Variants in ANK3 observed in about 807,000 individuals in gnomAD.
ANK3 encodes the protein ankyrin 3, also known as ankyrin-3.
Under a neutral mutation model 370.9 loss-of-function variants are expected in ANK3, and 57 were observed. That is an observed-to-expected ratio of 0.15 (90% CI 0.12 to 0.19). The LOEUF is 0.19. ANK3 is among the 10% of genes least tolerant of loss of function. The pLI, the probability that ANK3 is intolerant of heterozygous loss-of-function variation, is 1.00. For missense variants in ANK3, 4,439 were observed against 5,302.1 expected, an observed-to-expected ratio of 0.84 and a Z score of 5.06; for synonymous variants, 1,929 against 1,946.3, an observed-to-expected ratio of 0.99 and a Z score of 0.23.
intron 2 of ANK3, among the ~76,000 whole-genome samples, chr10:60,545,785 C>T (rs2076950368): frequency 6.6e-6 from 1 of 152,140 alleles, no homozygotes; most frequent in Admixed American, 6.6e-5. Context: ...AAGGACATTG[C>T]ACAATGGCTG....
intron 5 of ANK3, among the ~76,000 whole-genome samples, chr10:60,267,930 G>A (rs1295673053): frequency 2.0e-5 from 3 of 152,194 alleles, no homozygotes; most frequent in African/African-American, 7.2e-5. Flanking sequence ...CACAATGTGT[G>A]TATCGTAGTG....
At chr10:60,492,706 C>CAAAAAAAAAA (rs764367710) in intron 2 of ANK3, among the ~76,000 whole-genome samples, 15 of 57,500 alleles carry the variant, frequency 2.6e-4, no homozygotes, top group Non-Finnish European at 4.1e-4. Context: ...GACTCTGTCT[C>CAAAAAAAAAA]AAAAAAAAAA....
chr10:60,501,509 A>G (rs1336031917), intron 2 of ANK3, among the ~76,000 whole-genome samples: 1 of 152,158 alleles, frequency 6.6e-6, no homozygotes, highest in Non-Finnish European at 1.5e-5. Flanking sequence ...GTTTGAGACC[A>G]GCCTGGCCAT....
At chr10:60,104,021 G>A (rs1298448746) in intron 28 of ANK3, among the ~76,000 whole-genome samples, 1 of 152,098 alleles carries the variant, frequency 6.6e-6, no homozygotes, top group African/African-American at 2.4e-5. Flanking sequence ...TCACTTATAA[G>A]TGGGAGCTAA....
intron 1 of ANK3, among the ~76,000 whole-genome samples, chr10:60,294,342 C>A (rs1242591646): frequency 6.6e-6 from 1 of 152,050 alleles, no homozygotes; most frequent in African/African-American, 2.4e-5. Flanking sequence ...GGTTTAAAAG[C>A]CCAGAGGAGT....
intron 1 of ANK3, among the ~76,000 whole-genome samples, chr10:60,359,215 A>G (rs1314595123): frequency 6.6e-6 from 1 of 152,128 alleles, no homozygotes; most frequent in Admixed American, 6.5e-5. Flanking sequence ...ATGAGAAATA[A>G]CAGTGGTTCA....
intron 2 of ANK3, among the ~76,000 whole-genome samples, chr10:60,566,711 C>T (rs1228168848): frequency 2.0e-5 from 3 of 152,080 alleles, no homozygotes; most frequent in East Asian, 1.9e-4. Flanking sequence ...CATCTCCACA[C>T]ACAAAAATAA....
chr10:60,475,184 A>C (rs1015406660), intron 2 of ANK3, among the ~76,000 whole-genome samples: 1 of 151,986 alleles, frequency 6.6e-6, no homozygotes, highest in Non-Finnish European at 1.5e-5. Flanking sequence ...GCTGAATGAA[A>C]ACAAAGCAAT....
chr10:60,119,633 G>A (rs565421779), intron 25 of ANK3, among the ~76,000 whole-genome samples: 24 of 152,222 alleles, frequency 1.6e-4, no homozygotes, highest in African/African-American at 5.8e-4. Context: ...CTAGACGGGT[G>A]TGGTGGCATG....
Position 60,571,144 on chromosome 10 carries a change from G to A in ANK3, c.96+44042C>T, listed in dbSNP as rs371494658. On this transcript the variant is annotated intron_variant, in intron 2 of 43. Transcript: ENST00000373827. ...GTGCAGCTGAGACCTGCTCCCTTGG[G>A]AAATCAGACTAACACCTTTGCAACA... Among the ~76,000 whole-genome samples the A allele has an allele frequency of 2.6e-3, 387 of 150,510 alleles. 2 individuals are homozygous for A. Among genetic ancestry groups the A allele is most frequent in the African/African-American group, 8.9e-3 (366 of 41,194 alleles).
chr10:60,060,942 T>C (rs2080326219), intron 40 of ANK3, among the ~76,000 whole-genome samples: 1 of 152,174 alleles, frequency 6.6e-6, no homozygotes, highest in Non-Finnish European at 1.5e-5. Context: ...CATTGCTGCA[T>C]GGACTATGGA....
At chr10:60,086,482 G>GT in intron 30 of ANK3, 195 bp downstream of exon 30, 1 of 489,868 alleles carries the variant, frequency 2.0e-6, no homozygotes, top group South Asian at 4.3e-5. Flanking sequence ...CCAGGATCTT[G>GT]ACCAGGATCT....
intron 36 of ANK3, among the ~76,000 whole-genome samples, chr10:60,079,378 T>C (rs745742755): frequency 4.6e-5 from 7 of 152,212 alleles, no homozygotes; most frequent in African/African-American, 1.7e-4. Flanking sequence ...CTCCATTTTG[T>C]ATTTAAATAT....
intron 2 of ANK3, among the ~76,000 whole-genome samples, chr10:60,490,368 A>G (rs1234647289): frequency 6.6e-6 from 1 of 152,182 alleles, no homozygotes; most frequent in Admixed American, 6.5e-5. Flanking sequence ...CTGATGCATG[A>G]AAAAGTTTGA....
chr10:60,214,107 TAA>T (rs1430923152), intron 8 of ANK3, among the ~76,000 whole-genome samples: 1 of 152,246 alleles, frequency 6.6e-6, no homozygotes, highest in South Asian at 2.1e-4. Flanking sequence ...CAAAAATATA[TAA>T]AAAGTTTTGT....
intron 7 of ANK3, among the ~76,000 whole-genome samples, chr10:60,251,667 G>C (rs1057149230): frequency 6.6e-6 from 1 of 152,130 alleles, no homozygotes; most frequent in East Asian, 1.9e-4. Flanking sequence ...TCATACTAGG[G>C]GGCAACATGC....
At chr10:60,118,773 C>A (rs139760692) in intron 25 of ANK3, among the ~76,000 whole-genome samples, 2 of 152,256 alleles carry the variant, frequency 1.3e-5, no homozygotes, top group Non-Finnish European at 2.9e-5. Context: ...TAAATAATAT[C>A]ATTCCTCTTT....
chr10:60,454,452 C>G (rs1194948782), intron 2 of ANK3, among the ~76,000 whole-genome samples: 1 of 152,092 alleles, frequency 6.6e-6, no homozygotes, highest in Non-Finnish European at 1.5e-5. Context: ...TCTCCTGTGT[C>G]TCCCGGCAGC....
rs1331339452 is a variant in ANK3, at chr10:60,395,732, G to A, written c.97-116093C>T. On this transcript the variant is annotated intron_variant, in intron 2 of 43. Transcript: ENST00000373827. ...CCGAAAGAAGCATTCGTGTGCTCAT[G>A]GACGTGTTCCCTCACCCTGCTGGTC... Among the ~76,000 whole-genome samples, 44 of 151,902 alleles carry A rather than the reference G, an allele frequency of 2.9e-4. 1 individual carries two copies. Among genetic ancestry groups the A allele is most frequent in the Admixed American group, 2.8e-3 (43 of 15,254 alleles).
Sources: allele counts gnomAD v4.1 joint callset (sites outside exome capture counted in the v4.1 genomes callset), GRCh38; gene constraint gnomAD v4.1.1; transcripts MANE v1.5; gene names NCBI Gene and HGNC (gene_info 2026-07-23, HGNC 2026-07-21).